LIPJ: variants seen among roughly 807,000 people sequenced by gnomAD.
LIPJ encodes lipase member J.
LIPJ carries 33 observed loss-of-function variants against 39.8 expected under a neutral mutation model. The observed-to-expected ratio is 0.83, with a 90% CI of 0.63 to 1.11. The LOEUF (loss-of-function observed/expected upper bound fraction) is 1.11. LIPJ is among the 50% of genes least tolerant of loss of function. LIPJ has a pLI of 0.00. For missense variants in LIPJ, 422 were observed against 427.9 expected, an observed-to-expected ratio of 0.99 and a Z score of 0.12; for synonymous variants, 128 against 139.2, an observed-to-expected ratio of 0.92 and a Z score of 0.57.
chr10:88,619,394 T>C, the LIPJ span, among the ~76,000 whole-genome samples: 13 of 150,866 alleles, frequency 8.6e-5, no homozygotes, highest in African/African-American at 3.2e-4. Flanking sequence ...AATTGCCAAA[T>C]AATAGAAAAA....
chr10:88,608,502 T>C (rs1851712779), downstream of LIPJ, among the ~76,000 whole-genome samples: 1 of 152,250 alleles, frequency 6.6e-6, no homozygotes, highest in South Asian at 2.1e-4. Flanking sequence ...ATTTCCTGAA[T>C]ACTGCATAAC....
exon 9 of LIPJ, chr10:88,602,586 A>C: frequency 3.3e-6 from 3 of 913,604 alleles, no homozygotes; most frequent in Non-Finnish European, 5.0e-6. Flanking sequence ...AGTCGTTTGG[A>C]TGTGTATTTT....
downstream of LIPJ, among the ~76,000 whole-genome samples, chr10:88,611,085 C>T (rs1355249368): frequency 6.6e-6 from 1 of 152,176 alleles, no homozygotes; most frequent in African/African-American, 2.4e-5. Context: ...GATCACATCA[C>T]AGTTCTCTTT....
upstream of LIPJ, chr10:88,582,936 G>A: frequency 9.7e-7 from 1 of 1,034,128 alleles, no homozygotes; most frequent in Non-Finnish European, 1.3e-6. Context: ...TCGGCGCATG[G>A]GCCGCGCTAC....
chr10:88,610,230 C>G (rs1040416768), downstream of LIPJ, among the ~76,000 whole-genome samples: 10 of 152,132 alleles, frequency 6.6e-5, no homozygotes, highest in African/African-American at 2.2e-4. Context: ...CTGTCAAAAG[C>G]AAAAGTAAAT....
intron 9 of LIPJ, among the ~76,000 whole-genome samples, chr10:88,604,118 T>A (rs1851586032): frequency 6.6e-6 from 1 of 152,148 alleles, no homozygotes; most frequent in Admixed American, 6.6e-5. Context: ...GGAATAGAAC[T>A]ATGGAGAAAT....
chr10:88,613,800 A>ATATATATATATGTGTGTGTGTGTG, the LIPJ span, among the ~76,000 whole-genome samples: 4 of 74,166 alleles, frequency 5.4e-5, no homozygotes, highest in African/African-American at 1.4e-4. Flanking sequence ...ATATATATAT[A>ATATATATATATGTGTGTGTGTGTG]TGTGTGTGTG....
At chr10:88,586,612 A>AG (rs1476017974), upstream of LIPJ, 16 of 152,140 alleles carry the variant, frequency 1.1e-4, no homozygotes, top group Admixed American at 7.9e-4. Flanking sequence ...TCTTCATCTC[A>AG]ATCCCTTTTA....
the LIPJ span, chr10:88,618,768 CT>C: frequency 5.7e-6 from 1 of 176,780 alleles, no homozygotes; most frequent in Non-Finnish European, 1.3e-5. Context: ...GCCTATAGTC[CT>C]TGTGATAGTG....
intron 8 of LIPJ, among the ~76,000 whole-genome samples, chr10:88,601,338 T>C (rs1851469367): frequency 6.6e-6 from 1 of 152,182 alleles, no homozygotes; most frequent in Non-Finnish European, 1.5e-5. Context: ...GAACAAACAT[T>C]CAAACCATGG....
intron 8 of LIPJ, among the ~76,000 whole-genome samples, chr10:88,600,322 T>G (rs957435164): frequency 3.3e-5 from 5 of 152,200 alleles, no homozygotes; most frequent in Non-Finnish European, 5.9e-5. Context: ...TTCTTTGTGC[T>G]TAAGTTTGAA....
upstream of LIPJ, chr10:88,583,312 G>A (rs1049545701): frequency 5.5e-5 from 80 of 1,464,740 alleles, no homozygotes; most frequent in Admixed American, 9.7e-5. Context: ...GGGCCGACCT[G>A]GGCCCTGAGC....
At chr10:88,606,707 A>G in exon 11 of LIPJ, 1 of 1,613,012 alleles carries the variant, frequency 6.2e-7, no homozygotes, top group Non-Finnish European at 8.5e-7. Context: ...GACAAACATG[A>G]ATGTGGCAAC....
chr10:88,592,434 G>C (rs1214965021), intron 4 of LIPJ: 1 of 151,830 alleles, frequency 6.6e-6, no homozygotes, highest in Non-Finnish European at 1.5e-5. Context: ...GAGGGGTTCA[G>C]GTACATGTGA....
At chr10:88,609,805 AG>A (rs1265107760), downstream of LIPJ, among the ~76,000 whole-genome samples, 3 of 151,370 alleles carry the variant, frequency 2.0e-5, no homozygotes, top group African/African-American at 7.3e-5. Context: ...AGGCTGAGGC[AG>A]GAGAATCGCT....
chr10:88,611,031 C>T (rs1434060916), downstream of LIPJ, among the ~76,000 whole-genome samples: 1 of 152,188 alleles, frequency 6.6e-6, no homozygotes, highest in Non-Finnish European at 1.5e-5. Flanking sequence ...CTGCTACCTC[C>T]ACCAGAGCAG....
chr10:88,582,939 C>T (rs1450645991), upstream of LIPJ: 2 of 1,061,336 alleles, frequency 1.9e-6, no homozygotes, highest in Non-Finnish European at 2.6e-6. Flanking sequence ...GCGCATGGGC[C>T]GCGCTACACG....
the LIPJ span, among the ~76,000 whole-genome samples, chr10:88,613,671 G>T: frequency 6.7e-6 from 1 of 148,936 alleles, no homozygotes; most frequent in Admixed American, 6.8e-5. Context: ...TGATTGCCAG[G>T]GAGTAGGAAA....
upstream of LIPJ, chr10:88,583,468 A>C: frequency 7.6e-7 from 1 of 1,312,956 alleles, no homozygotes; most frequent in Non-Finnish European, 9.7e-7. Flanking sequence ...CCCCTCGCCC[A>C]GAAAAGCCTG....
Sources: allele counts gnomAD v4.1 joint callset (sites outside exome capture counted in the v4.1 genomes callset), GRCh38; gene constraint gnomAD v4.1.1; transcripts MANE v1.5; gene names NCBI Gene and HGNC (gene_info 2026-07-23, HGNC 2026-07-21).